KLF9: variants seen among roughly 807,000 people sequenced by gnomAD.
KLF9 encodes the protein Krueppel-like factor 9.
A neutral mutation model predicts 17.3 loss-of-function variants in KLF9; 2 were observed. The ratio of observed to expected loss-of-function variants is 0.12; its 90% CI spans 0.05 to 0.36. The LOEUF is 0.36. Ranked by LOEUF, KLF9 falls within the 10% of genes least tolerant of loss-of-function variation. The probability of loss-of-function intolerance (pLI) is 1.00; values close to 1 mark genes in which losing one functional copy is unlikely to be tolerated. For missense variants in KLF9, 226 were observed against 333.2 expected (o/e 0.68, Z 2.51); for synonymous variants, 138 against 139.2 (o/e 0.99, Z 0.06).
intron 1 of KLF9, among the ~76,000 whole-genome samples, chr9:70,399,314 G>A (rs2037206268): frequency 6.6e-6 from 1 of 152,126 alleles, no homozygotes; most frequent in African/African-American, 2.4e-5. Flanking sequence ...AAATCTTAGG[G>A]ATCCTCCAAA....
Position 70,413,490 on chromosome 9 carries a change from G to C in KLF9, c.-127C>G, listed in dbSNP as rs2037345752. ...GCGGCACGGCGCGGCGGCCAAGGGG[G>C]CGGGGGCGCGGGGCGCTTCCGACTC... On this transcript the variant is annotated 5_prime_UTR_variant, in exon 1 of 2. Transcript: ENST00000377126. This position sits in a 1 kb window ranked among gnomAD's most constrained non-coding sequence, Gnocchi z 5.6. 9.9e-7 allele frequency: 1 copy of C among 1,005,536 alleles called. No individual in the cohort carries two copies. Among genetic ancestry groups the C allele is most frequent in the African/African-American group, 1.7e-5 (1 of 59,016 alleles). The allele number at this position is 1,005,536 out of a possible 1,614,324, so 62.3% of individuals were successfully genotyped here. A position where few individuals can be genotyped will look rare whatever the true frequency, so the allele number is the denominator to read the frequency against.
chr9:70,399,158 T>C (rs1439980348), intron 1 of KLF9, among the ~76,000 whole-genome samples: 1 of 152,178 alleles, frequency 6.6e-6, no homozygotes, highest in Non-Finnish European at 1.5e-5. Context: ...AAGTCTCAGT[T>C]ATATGGCCCT....
chr9:70,389,909 C>T (rs2037141460), intron 1 of KLF9, among the ~76,000 whole-genome samples: 1 of 152,186 alleles, frequency 6.6e-6, no homozygotes, highest in African/African-American at 2.4e-5. Context: ...CACTCCTTGG[C>T]TAGGTGTGAG....
At chr9:70,401,134 G>C (rs1290514536) in intron 1 of KLF9, among the ~76,000 whole-genome samples, 1 of 137,286 alleles carries the variant, frequency 7.3e-6, no homozygotes, top group Admixed American at 7.9e-5. Context: ...AGGAGTTCGA[G>C]ACCAGCCTGA....
intron 1 of KLF9, among the ~76,000 whole-genome samples, chr9:70,398,030 C>T (rs994407965): frequency 2.0e-5 from 3 of 152,160 alleles, no homozygotes; most frequent in Non-Finnish European, 4.4e-5. Context: ...ATCATTCATT[C>T]AAAAGTCTCC....
chr9:70,387,673 G>T lies in KLF9; in HGVS notation c.*103C>A. 1.1e-6 allele frequency: 1 copy of T among 936,460 alleles called. No homozygotes were observed. Among genetic ancestry groups the T allele is most frequent in the Non-Finnish European group, 1.7e-6 (1 of 588,608 alleles). The allele number at this position is 936,460 out of a possible 1,614,324, so 58.0% of individuals were successfully genotyped here. ...CCAAAGAGCAGTGACTTCCTGTGCC[G>T]TCAAGTGTGCCTCTTCTGGGGCTCA... On this transcript the variant is annotated 3_prime_UTR_variant, in exon 2 of 2. Transcript: ENST00000377126.
chr9:70,412,150 A>T (rs2118931714), intron 1 of KLF9, among the ~76,000 whole-genome samples: 1 of 124,804 alleles, frequency 8.0e-6, no homozygotes, highest in East Asian at 2.7e-4. Context: ...GCAAACCGCG[A>T]TTCAGGGGTG....
intron 1 of KLF9, among the ~76,000 whole-genome samples, chr9:70,402,126 C>T (rs1363171360): frequency 1.3e-5 from 2 of 152,278 alleles, no homozygotes; most frequent in South Asian, 2.1e-4. Flanking sequence ...GGGAACCCCC[C>T]GCTTCAGTGG....
Position 70,385,444 on chromosome 9 carries a change from A to AT in KLF9, c.*2331dup. The AT allele has an allele frequency of 6.5e-6, 1 of 152,722 alleles. No individual in the cohort carries two copies. The highest frequency in any genetic ancestry group is 2.1e-4 in the South Asian group (1 of 4,826). 9.5% of individuals were successfully genotyped at this position (152,722 alleles called of 1,614,324 possible). ...AACTTTTTTGGGAAGTAAATTGTGC[A>AT]TTTTTTTAAAACAAGTTGCTGCATT... On this transcript the variant is annotated 3_prime_UTR_variant, in exon 2 of 2. Coordinates refer to ENST00000377126, the MANE Select transcript of KLF9 (RefSeq NM_001206.4).
At chr9:70,404,042 G>A (rs1291002092) in intron 1 of KLF9, among the ~76,000 whole-genome samples, 1 of 152,116 alleles carries the variant, frequency 6.6e-6, no homozygotes, top group East Asian at 1.9e-4. Context: ...GACAGACTAG[G>A]AAAATTCCAG....
intron 1 of KLF9, among the ~76,000 whole-genome samples, chr9:70,404,004 C>T (rs1257595131): frequency 1.3e-5 from 2 of 152,132 alleles, no homozygotes; most frequent in Admixed American, 1.3e-4. Flanking sequence ...GATCAGCAAG[C>T]ATTCATGCCC....
Position 70,413,997 on chromosome 9 carries a change from C to T in KLF9, c.-634G>A, listed in dbSNP as rs1435667458. On this transcript the variant is annotated 5_prime_UTR_variant, in exon 1 of 2. Coordinates refer to ENST00000377126, the MANE Select transcript of KLF9 (RefSeq NM_001206.4). The surrounding 1 kb of genome is among the most constrained non-coding windows in gnomAD (Gnocchi z 5.6). ...CCCATCACGTCACAAACCAAACCCC[C>T]TCCAATTGGCCAGTGGGGAGGGTGA... 1.3e-5 allele frequency: 2 copies of T among 152,772 alleles called. No homozygotes were observed. Among genetic ancestry groups the T allele is most frequent in the Non-Finnish European group, 2.9e-5 (2 of 68,144 alleles). 9.5% of individuals were successfully genotyped at this position (152,772 alleles called of 1,614,324 possible).
chr9:70,390,006 T>C (rs1337910751), intron 1 of KLF9, among the ~76,000 whole-genome samples: 1 of 152,204 alleles, frequency 6.6e-6, no homozygotes, highest in Non-Finnish European at 1.5e-5. Context: ...CGTGGTGCAT[T>C]TGAGTCATCC....
chr9:70,390,759 T>C (rs1170353643), intron 1 of KLF9, among the ~76,000 whole-genome samples: 4 of 152,138 alleles, frequency 2.6e-5, no homozygotes, highest in Non-Finnish European at 4.4e-5. Context: ...AGAATTAGAC[T>C]GCAGTGAAGT....
At chr9:70,409,573 G>A (rs908116876) in intron 1 of KLF9, among the ~76,000 whole-genome samples, 18 of 151,886 alleles carry the variant, frequency 1.2e-4, no homozygotes, top group Non-Finnish European at 2.4e-4. Context: ...CACAAAGTCA[G>A]GAGACTTAGG....
intron 1 of KLF9, among the ~76,000 whole-genome samples, chr9:70,402,137 G>C (rs7034715): frequency 6.6e-6 from 1 of 152,120 alleles, no homozygotes; most frequent in African/African-American, 2.4e-5. Flanking sequence ...GCTTCAGTGG[G>C]ATAATGCTCA....
intron 1 of KLF9, among the ~76,000 whole-genome samples, chr9:70,402,545 G>T (rs2037228917): frequency 6.6e-6 from 1 of 152,156 alleles, no homozygotes; most frequent in African/African-American, 2.4e-5. Context: ...CCAAGTCAAT[G>T]GCTTTGAAGT....
intron 1 of KLF9, among the ~76,000 whole-genome samples, chr9:70,402,156 G>C (rs191878066): frequency 3.1e-4 from 47 of 152,310 alleles, no homozygotes; most frequent in African/African-American, 1.1e-3. Context: ...CACTGAACAA[G>C]CATTTTGGGG....
Position 70,387,255 on chromosome 9 carries a change from A to C in KLF9, c.*521T>G, listed in dbSNP as rs2037118995. 1 of 154,578 alleles carries C rather than the reference A, an allele frequency of 6.5e-6. No homozygotes were observed. The highest frequency in any genetic ancestry group is 6.3e-5 in the Admixed American group (1 of 15,804). 9.6% of individuals were successfully genotyped at this position (154,578 alleles called of 1,614,324 possible). A position where few individuals can be genotyped will look rare whatever the true frequency, so the allele number is the denominator to read the frequency against. ...ATTCAAGAGAGTGGTTTTGCTAAAC[A>C]AACTGAAGCACACTCGTCATTACAT... On this transcript the variant is annotated 3_prime_UTR_variant, in exon 2 of 2. Coordinates refer to ENST00000377126, the MANE Select transcript of KLF9 (RefSeq NM_001206.4).
Sources: allele counts gnomAD v4.1 joint callset (sites outside exome capture counted in the v4.1 genomes callset), GRCh38; gene constraint gnomAD v4.1.1; non-coding constraint Gnocchi (gnomAD v3.1); transcripts MANE v1.5; gene names NCBI Gene and HGNC (gene_info 2026-07-23, HGNC 2026-07-21).